The following ADGRL3 variants were observed in gnomAD, a reference collection of about 807,000 sequenced individuals.
The protein encoded by ADGRL3 is adhesion G protein-coupled receptor L3, also known as calcium-independent alpha-latrotoxin receptor 3.
ADGRL3 carries 62 observed loss-of-function variants against 153.5 expected under a neutral mutation model. The ratio of observed to expected loss-of-function variants is 0.40; its 90% CI spans 0.33 to 0.50. The LOEUF (loss-of-function observed/expected upper bound fraction) is 0.50, where lower values mean the gene tolerates loss of function less well. Among genes scored for constraint, ADGRL3 ranks in the 20% least tolerant of loss-of-function variants. ADGRL3 has a pLI of 0.47. For missense variants in ADGRL3, 1,641 were observed against 1,859.4 expected, an observed-to-expected ratio of 0.88 and a Z score of 2.16; for synonymous variants, 710 against 672.5, an observed-to-expected ratio of 1.06 and a Z score of -0.86.
In ADGRL3 at chr4:61,845,615, C is replaced by T. The variant is rs564214321; in HGVS notation, c.1480+31726C>T. ...TCCTGGGCTCACGTTACCCTCCCTC[C>T]TGGGCCTCCGAGAGTGCTGAGATTA... On this transcript the variant is annotated intron_variant, in intron 9 of 26. Transcript: ENST00000683033. Among the ~76,000 whole-genome samples the T allele has an allele frequency of 1.1e-4, 17 of 151,860 alleles. 1 individual carries two copies. The South Asian group carries it at 3.5e-3, about 32-fold the overall frequency.
intron 4 of ADGRL3, among the ~76,000 whole-genome samples, chr4:61,519,540 A>T (rs973999403): frequency 5.3e-5 from 8 of 152,202 alleles, no homozygotes; most frequent in South Asian, 2.1e-4. Flanking sequence ...TATCAAGGAG[A>T]CAGAGAATAA....
intron 23 of ADGRL3, among the ~76,000 whole-genome samples, chr4:62,032,815 A>G (rs892739836): frequency 6.6e-6 from 1 of 151,580 alleles, no homozygotes; most frequent in Non-Finnish European, 1.5e-5. Flanking sequence ...AAATGTGTTG[A>G]CATGATCGCA....
rs376816102 is a variant in ADGRL3, at chr4:61,811,027, A to G, written c.1400-2782A>G. On this transcript the variant is annotated intron_variant, in intron 8 of 26. Coordinates refer to ENST00000683033, the MANE Select transcript of ADGRL3 (RefSeq NM_001387552.1). Reference sequence around the variant, plus strand: ...ATGTCCCCATGTCATTGGGACCTTTATATCCTGTTATCGAAAAGTAAGATA... The same window carrying G: ...ATGTCCCCATGTCATTGGGACCTTTGTATCCTGTTATCGAAAAGTAAGATA... Among the ~76,000 whole-genome samples, 13 of 152,270 alleles carry G rather than the reference A, an allele frequency of 8.5e-5. No homozygotes were observed. In the East Asian group the frequency reaches 1.2e-3, roughly 14 times the overall value.
chr4:61,408,018 C>A (rs1052077349), intron 2 of ADGRL3, among the ~76,000 whole-genome samples: 1 of 152,022 alleles, frequency 6.6e-6, no homozygotes, highest in Non-Finnish European at 1.5e-5. Context: ...TACGTCATTT[C>A]TGAAATGAGA....
intron 17 of ADGRL3, among the ~76,000 whole-genome samples, chr4:61,977,266 T>C (rs1056849836): frequency 6.6e-6 from 1 of 151,888 alleles, no homozygotes; most frequent in African/African-American, 2.4e-5. Context: ...ACATTTGAGA[T>C]GGTGTTATAC....
Position 61,648,524 on chromosome 4 carries a change from G to GTT in ADGRL3, c.474-28294_474-28293dup, listed in dbSNP as rs67817156. Among the ~76,000 whole-genome samples, 18 of 147,670 alleles carry GTT rather than the reference G, an allele frequency of 1.2e-4. 1 individual carries two copies. Among genetic ancestry groups the GTT allele is most frequent in the South Asian group, 4.2e-4 (2 of 4,710 alleles). On this transcript the variant is annotated intron_variant, in intron 5 of 26. Coordinates refer to ENST00000683033, the MANE Select transcript of ADGRL3 (RefSeq NM_001387552.1). Reference sequence around the variant, plus strand: ...ATTAATTTGCATTAGGAATTTTTTTGTTTTTTTTTCTGTTTCTTTTGGGGT... The same window carrying GTT: ...ATTAATTTGCATTAGGAATTTTTTTGTTTTTTTTTTTCTGTTTCTTTTGGGGT...
At chr4:61,321,530 T>C (rs1355236834) in intron 1 of ADGRL3, among the ~76,000 whole-genome samples, 1 of 151,504 alleles carries the variant, frequency 6.6e-6, no homozygotes, top group Non-Finnish European at 1.5e-5. Context: ...GCACGGGTCC[T>C]GAAGCGATTT....
At chr4:61,842,892 G>A (rs1326309822) in intron 9 of ADGRL3, among the ~76,000 whole-genome samples, 2 of 152,150 alleles carry the variant, frequency 1.3e-5, no homozygotes, top group African/African-American at 2.4e-5. Flanking sequence ...GTCTATATTG[G>A]AAATTGGAAA....
chr4:61,473,480 A>G (rs766400453), intron 2 of ADGRL3, among the ~76,000 whole-genome samples: 7 of 152,024 alleles, frequency 4.6e-5, no homozygotes, highest in African/African-American at 1.2e-4. Flanking sequence ...GACTCCCTGA[A>G]TAGAACATGG....
intron 1 of ADGRL3, among the ~76,000 whole-genome samples, chr4:61,318,987 A>G (rs2095297291): frequency 6.6e-6 from 1 of 152,160 alleles, no homozygotes; most frequent in African/African-American, 2.4e-5. Context: ...CAGCAGTCCC[A>G]TATTTTTATG....
intron 5 of ADGRL3, among the ~76,000 whole-genome samples, chr4:61,612,985 C>T (rs2091555865): frequency 6.6e-6 from 1 of 151,188 alleles, no homozygotes; most frequent in African/African-American, 2.4e-5. Context: ...TTATTTGCTT[C>T]TTTTTTTTTA....
intron 6 of ADGRL3, among the ~76,000 whole-genome samples, chr4:61,683,752 G>C (rs1497900): frequency 0.39 from 59,925 of 152,012 alleles, 12,103 homozygotes; most frequent in East Asian, 0.52. Context: ...GCTTTAAACT[G>C]TCTTTGGCTT....
intron 9 of ADGRL3, among the ~76,000 whole-genome samples, chr4:61,816,585 G>A (rs1021494358): frequency 6.6e-6 from 1 of 152,156 alleles, no homozygotes; most frequent in East Asian, 1.9e-4. Context: ...ACTACCATAG[G>A]TAGTCATATA....
intron 9 of ADGRL3, among the ~76,000 whole-genome samples, chr4:61,833,343 AG>A (rs1165237520): frequency 2.0e-5 from 3 of 152,168 alleles, no homozygotes; most frequent in African/African-American, 7.2e-5. Flanking sequence ...TTATCAAGAC[AG>A]GGGAATTGCA....
intron 9 of ADGRL3, among the ~76,000 whole-genome samples, chr4:61,873,193 C>G (rs2098455732): frequency 6.6e-6 from 1 of 152,122 alleles, no homozygotes. Context: ...TCTCAGATTT[C>G]TCAGTCAGAA....
rs192583853 is a variant in ADGRL3 at position 61,840,012 on chromosome 4, A to C, written c.1480+26123A>C. On this transcript the variant is annotated intron_variant, in intron 9 of 26. Coordinates refer to ENST00000683033, the MANE Select transcript of ADGRL3 (RefSeq NM_001387552.1). ...AATCCAGGTTCTTCTGTAATGAATG[A>C]TGTACATAGAATAATCTTACCTTTT... Among the ~76,000 whole-genome samples, 680 of 152,002 alleles carry C rather than the reference A, an allele frequency of 4.5e-3. 5 individuals carry two copies. The highest frequency in any genetic ancestry group is 0.016 in the African/African-American group (646 of 41,450).
intron 21 of ADGRL3, among the ~76,000 whole-genome samples, chr4:62,005,755 A>G (rs1306359923): frequency 6.6e-6 from 1 of 151,724 alleles, no homozygotes; most frequent in Non-Finnish European, 1.5e-5. Flanking sequence ...AGTAGAATAA[A>G]TCAGAGAATA....
At chr4:61,413,118 A>G (rs2097106552) in intron 2 of ADGRL3, among the ~76,000 whole-genome samples, 1 of 152,148 alleles carries the variant, frequency 6.6e-6, no homozygotes, top group African/African-American at 2.4e-5. Context: ...TGGAGCTGAT[A>G]GAAGTCCACG....
intron 8 of ADGRL3, among the ~76,000 whole-genome samples, chr4:61,798,807 C>T (rs2097447585): frequency 6.6e-6 from 1 of 150,766 alleles, no homozygotes; most frequent in Non-Finnish European, 1.5e-5. Flanking sequence ...TTAGTAGAGA[C>T]AGGGTTTCGC....
Sources: allele counts gnomAD v4.1 joint callset (sites outside exome capture counted in the v4.1 genomes callset), GRCh38; gene constraint gnomAD v4.1.1; transcripts MANE v1.5; gene names NCBI Gene and HGNC (gene_info 2026-07-23, HGNC 2026-07-21).